ADAM12: variants seen among roughly 807,000 people sequenced by gnomAD.
ADAM12 encodes disintegrin and metalloproteinase domain-containing protein 12.
Under a neutral mutation model 106.4 loss-of-function variants are expected in ADAM12, and 70 were observed. The observed-to-expected ratio is 0.66, with a 90% CI of 0.54 to 0.80. The LOEUF is 0.80. Among genes scored for constraint, ADAM12 ranks in the 30% least tolerant of loss-of-function variants. ADAM12 has a pLI of 0.00. For synonymous variants in ADAM12, 420 were observed against 433.5 expected (o/e 0.97, Z 0.39); for missense variants, 1,010 against 1,171.9 (o/e 0.86, Z 2.02).
chr10:126,093,680 A>G (rs1313009519), intron 11 of ADAM12, among the ~76,000 whole-genome samples: 1 of 152,210 alleles, frequency 6.6e-6, no homozygotes, highest in African/African-American at 2.4e-5. Flanking sequence ...AGGCTCAAAT[A>G]AAAAACACTT....
At chr10:126,273,946 G>C (rs1395113146) in intron 3 of ADAM12, among the ~76,000 whole-genome samples, 1 of 152,186 alleles carries the variant, frequency 6.6e-6, no homozygotes, top group Non-Finnish European at 1.5e-5. Flanking sequence ...TCAGTAACTT[G>C]CTGTTGGGAG....
intron 1 of ADAM12, among the ~76,000 whole-genome samples, chr10:126,386,794 T>C (rs1856677623): frequency 1.3e-5 from 2 of 152,366 alleles, no homozygotes; most frequent in Admixed American, 1.3e-4. Flanking sequence ...AGTTCTTTCT[T>C]AATAAACATT....
intron 21 of ADAM12, among the ~76,000 whole-genome samples, chr10:126,025,651 A>G (rs989871066): frequency 1.3e-5 from 2 of 152,176 alleles, no homozygotes; most frequent in African/African-American, 4.8e-5. Context: ...TGTTAAACAG[A>G]AAATGACCCA....
At chr10:126,165,071 G>T (rs1328164023) in intron 3 of ADAM12, among the ~76,000 whole-genome samples, 5 of 152,172 alleles carry the variant, frequency 3.3e-5, no homozygotes, top group African/African-American at 7.2e-5. Flanking sequence ...TGAAAGCAAA[G>T]CATCGCGGCC....
At chr10:126,371,622 A>C (rs145410518) in intron 1 of ADAM12, among the ~76,000 whole-genome samples, 6 of 152,336 alleles carry the variant, frequency 3.9e-5, no homozygotes, top group African/African-American at 1.4e-4. Flanking sequence ...AGAGTGCTTA[A>C]CGGGCTTTAC....
At chr10:126,082,377 T>TG (rs1430222787) in intron 11 of ADAM12, among the ~76,000 whole-genome samples, 9 of 146,098 alleles carry the variant, frequency 6.2e-5, no homozygotes, top group African/African-American at 2.3e-4. Context: ...TTTTTTTTTT[T>TG]TTTTTTTTTT....
intron 3 of ADAM12, among the ~76,000 whole-genome samples, chr10:126,156,660 T>C (rs1199459191): frequency 6.6e-6 from 1 of 152,256 alleles, no homozygotes; most frequent in African/African-American, 2.4e-5. Context: ...GTAACACTTC[T>C]GGGTGCGTGG....
chr10:126,277,084 A>G (rs1041387604), intron 3 of ADAM12, among the ~76,000 whole-genome samples: 4 of 152,230 alleles, frequency 2.6e-5, no homozygotes, highest in African/African-American at 9.7e-5. Flanking sequence ...TCAACTAAGA[A>G]GACAAAAGAA....
rs34179311 is a variant in ADAM12 at position 126,340,720 on chromosome 10, GT to G, written c.89-10212del. The stretch of plus-strand genomic sequence containing the variant: ...TCAGCTATGTCCTACCTCGTGGCCT[GT>G]TTTTTTTTTTTTTTGAGGTGGAGTC... On this transcript the variant is annotated intron_variant, in intron 1 of 22. Transcript: ENST00000448723. Among the ~76,000 whole-genome samples the G allele has an allele frequency of 3.4e-3, 472 of 138,770 alleles. 2 individuals are homozygous for G. Among genetic ancestry groups the G allele is most frequent in the African/African-American group, 9.5e-3 (360 of 37,900 alleles). The allele number at this position is 138,770 out of a possible 152,430, so 91.0% of individuals were successfully genotyped here. A position where few individuals can be genotyped will look rare whatever the true frequency, so the allele number is the denominator to read the frequency against.
intron 18 of ADAM12, chr10:126,041,397 G>T (rs1565004144): frequency 3.0e-6 from 3 of 985,720 alleles, no homozygotes; most frequent in Non-Finnish European, 3.6e-6. Flanking sequence ...ATGGAGTTAG[G>T]CTCTTACATT....
rs543967360 is a variant in ADAM12 at position 126,308,709 on chromosome 10, T to C, written c.186+21703A>G. 2.6e-5 allele frequency among the ~76,000 whole-genome samples: 4 copies of C among 152,346 alleles called. No individual in the cohort carries two copies. The South Asian group carries it at 8.3e-4, about 32-fold the overall frequency. ...TATCTTAGAAGTTTAAAAATATTCATTGCAACTTGGCCGATGCCTGGTGTA... is the reference window on the plus strand; with the variant it reads ...TATCTTAGAAGTTTAAAAATATTCACTGCAACTTGGCCGATGCCTGGTGTA... On this transcript the variant is annotated intron_variant, in intron 2 of 22. Coordinates refer to ENST00000448723, the MANE Select transcript of ADAM12 (RefSeq NM_001288973.2).
chr10:126,237,225 C>T (rs1341431853), intron 3 of ADAM12, among the ~76,000 whole-genome samples: 1 of 152,160 alleles, frequency 6.6e-6, no homozygotes, highest in African/African-American at 2.4e-5. Context: ...TTATTCTTTG[C>T]CTTGCCTGTT....
intron 14 of ADAM12, among the ~76,000 whole-genome samples, chr10:126,050,989 GC>G (rs1415525846): frequency 1.4e-4 from 22 of 152,210 alleles, no homozygotes; most frequent in African/African-American, 5.1e-4. Context: ...CACATCACAT[GC>G]CCTTTCCTTC....
At chr10:126,265,419 T>C (rs902809339) in intron 3 of ADAM12, among the ~76,000 whole-genome samples, 42 of 152,310 alleles carry the variant, frequency 2.8e-4, no homozygotes, top group Non-Finnish European at 2.8e-4. Flanking sequence ...TAATGGCCAC[T>C]GAACCTGGTG....
At chr10:126,096,637 T>C (rs1031103264) in intron 10 of ADAM12, among the ~76,000 whole-genome samples, 3 of 152,240 alleles carry the variant, frequency 2.0e-5, no homozygotes, top group African/African-American at 7.2e-5. Context: ...AATGTAACTT[T>C]ACAGACACAG....
In ADAM12 at chr10:126,331,847, G is replaced by A. The variant is rs369724410; in HGVS notation, c.89-1338C>T. Among the ~76,000 whole-genome samples the A allele has an allele frequency of 9.2e-5, 14 of 152,294 alleles. No homozygotes were observed. In the East Asian group the frequency reaches 2.3e-3, roughly 25 times the overall value. ...TTCTGGCAGAGCAAGTGGAGGTGCT[G>A]GCTCTGATGGTGATATCTGTGACAC... is the stretch of plus-strand genomic sequence containing the variant. On this transcript the variant is annotated intron_variant, in intron 1 of 22. Coordinates refer to ENST00000448723, the MANE Select transcript of ADAM12 (RefSeq NM_001288973.2).
At chr10:126,108,813 A>C in intron 7 of ADAM12, 149 bp from the exon 8 acceptor site, 1 of 714,150 alleles carries the variant, frequency 1.4e-6, no homozygotes, top group Non-Finnish European at 2.3e-6. Flanking sequence ...CATCCTGCCG[A>C]CTAACTTTCC....
chr10:126,094,624 C>A (rs892723418), intron 10 of ADAM12, among the ~76,000 whole-genome samples: 4 of 152,188 alleles, frequency 2.6e-5, no homozygotes, highest in Non-Finnish European at 5.9e-5. Flanking sequence ...ATTGAGCCTG[C>A]CTCTTCCTGT....
chr10:126,145,189 G>T (rs1455264294), intron 4 of ADAM12, among the ~76,000 whole-genome samples: 1 of 152,170 alleles, frequency 6.6e-6, no homozygotes, highest in Admixed American at 6.5e-5. Context: ...TTGCCACAGA[G>T]TATGGGATGT....
Sources: gnomAD v4.1 joint callset for allele counts (sites outside exome capture counted in the v4.1 genomes callset) on GRCh38, gnomAD v4.1.1 for gene constraint, MANE v1.5 for transcripts, NCBI Gene and HGNC (gene_info 2026-07-23, HGNC 2026-07-21) for gene names.